Variants in TRIP12 observed in about 807,000 individuals in gnomAD.
The protein encoded by TRIP12 is E3 ubiquitin-protein ligase TRIP12.
Under a neutral mutation model 244.2 loss-of-function variants are expected in TRIP12, and 25 were observed. That is an observed-to-expected ratio of 0.10 (90% CI 0.07 to 0.14). The LOEUF is 0.14. Among genes scored for constraint, TRIP12 ranks in the 10% least tolerant of loss-of-function variants. TRIP12 has a pLI of 1.00. For synonymous variants in TRIP12, 905 were observed against 873.1 expected (o/e 1.04, Z -0.64); for missense variants, 1,677 against 2,486.4 (o/e 0.67, Z 6.92).
intron 19 of TRIP12, 58 bp downstream of exon 19, chr2:229,803,941 G>T: frequency 6.9e-7 from 1 of 1,450,394 alleles, no homozygotes; most frequent in Non-Finnish European, 9.3e-7. Context: ...AGAGGTTTCT[G>T]AAATTACTTG....
At chr2:229,795,860 T>C (rs913166141) in intron 25 of TRIP12, among the ~76,000 whole-genome samples, 14 of 152,206 alleles carry the variant, frequency 9.2e-5, no homozygotes, top group Non-Finnish European at 1.5e-5. Context: ...AAATACTAAC[T>C]TTGCTTTAGG....
chr2:229,777,185 A>C (rs1468155971), intron 37 of TRIP12, 130 bp downstream of exon 37: 1 of 1,063,138 alleles, frequency 9.4e-7, no homozygotes, highest in Admixed American at 2.5e-5. Context: ...TAGTTAGTAC[A>C]ATAAAAGAAT....
intron 8 of TRIP12, among the ~76,000 whole-genome samples, chr2:229,824,187 A>G (rs1244161037): frequency 1.3e-5 from 2 of 152,228 alleles, no homozygotes; most frequent in Non-Finnish European, 2.9e-5. Context: ...AAGGTATGCT[A>G]TAATAAACCA....
At chr2:229,832,071 C>T (rs1383670787) in intron 6 of TRIP12, among the ~76,000 whole-genome samples, 1 of 151,868 alleles carries the variant, frequency 6.6e-6, no homozygotes, top group East Asian at 1.9e-4. Flanking sequence ...GAAAAAGATG[C>T]CAAAATACCA....
intron 1 of TRIP12, among the ~76,000 whole-genome samples, chr2:229,883,890 C>T (rs925791237): frequency 1.3e-5 from 2 of 152,076 alleles, no homozygotes; most frequent in Non-Finnish European, 2.9e-5. Flanking sequence ...CGGTGGCTCA[C>T]GTGAGGTCAT....
At chr2:229,838,293 T>C (rs2055364563) in intron 5 of TRIP12, among the ~76,000 whole-genome samples, 1 of 152,208 alleles carries the variant, frequency 6.6e-6, no homozygotes, top group Admixed American at 6.5e-5. Context: ...ATTTAAGATC[T>C]AATCTCCACC....
At chr2:229,843,700 A>G (rs895871177) in intron 4 of TRIP12, among the ~76,000 whole-genome samples, 2 of 152,220 alleles carry the variant, frequency 1.3e-5, no homozygotes, top group African/African-American at 4.8e-5. Context: ...ACAACACTGT[A>G]AGACCCTGTG....
chr2:229,822,911 C>G (rs1429468283), intron 8 of TRIP12, among the ~76,000 whole-genome samples: 1 of 152,076 alleles, frequency 6.6e-6, no homozygotes, highest in Admixed American at 6.6e-5. Flanking sequence ...AAAAACGTAT[C>G]TGAAATTAAG....
At chr2:229,879,836 C>T (rs1445381739) in intron 2 of TRIP12, 146 bp downstream of exon 2, 1 of 818,358 alleles carries the variant, frequency 1.2e-6, no homozygotes, top group Non-Finnish European at 1.9e-6. Context: ...CTTTGGATTC[C>T]AGTTTGCTTT....
At chr2:229,880,191 G>A (rs1011529316) in intron 1 of TRIP12, 63 bp from the exon 2 acceptor site, 1 of 1,031,556 alleles carries the variant, frequency 9.7e-7, no homozygotes, top group African/African-American at 1.6e-5. Context: ...GAAAAGAAAT[G>A]AGGGGAACTT....
chr2:229,841,618 C>CA (rs2056443102), intron 4 of TRIP12, among the ~76,000 whole-genome samples: 1 of 152,206 alleles, frequency 6.6e-6, no homozygotes, highest in South Asian at 2.1e-4. Flanking sequence ...GCCCAACCCT[C>CA]ACAGTGTTAC....
At chr2:229,819,703 T>C (rs1033963510) in intron 8 of TRIP12, among the ~76,000 whole-genome samples, 1 of 152,232 alleles carries the variant, frequency 6.6e-6, no homozygotes, top group African/African-American at 2.4e-5. Context: ...CTTTTCAAGT[T>C]ATTCTTCGCA....
At position 229,840,832 on chromosome 2, in the gene TRIP12, C is replaced by T. The variant is rs138707158; in HGVS notation, c.1123G>A (p.Ala375Thr). 74 of 1,593,136 alleles carry T rather than the reference C, an allele frequency of 4.6e-5. No individual in the cohort carries two copies. The highest frequency in any genetic ancestry group is 9.3e-5 in the Admixed American group (5 of 54,040). The part of the protein sequence containing the change: ...STRQKTTGSC[A>T]STSRRGSGLG... ...AAAAAAACAAATTACCTGGTACTAG[C>T]ACAGGAGCCCGTGGTCTTTTGGCGT... The change falls in exon 5 of 42, where the codon GCT becomes ACT. Residue 375 changes from alanine to threonine, a missense_variant. Around this residue, in one of 11 missense-constraint regions of TRIP12, gnomAD observed 143 missense variants for 215.6 expected, o/e 0.66. Coordinates refer to ENST00000675903, the MANE Select transcript of TRIP12 (RefSeq NM_001348323.3).
At chr2:229,798,745 T>C (rs762084774) in intron 23 of TRIP12, 130 bp downstream of exon 23, 7 of 1,023,384 alleles carry the variant, frequency 6.8e-6, no homozygotes, top group Non-Finnish European at 5.6e-6. Flanking sequence ...ATTCTTGAAC[T>C]ATGCTTTTAA....
intron 2 of TRIP12, among the ~76,000 whole-genome samples, chr2:229,879,696 A>T (rs930672742): frequency 6.6e-6 from 1 of 152,232 alleles, no homozygotes; most frequent in Non-Finnish European, 1.5e-5. Flanking sequence ...TGTAACATAC[A>T]TTTAACGAAG....
chr2:229,781,983 C>CA (rs1236148130), intron 34 of TRIP12, among the ~76,000 whole-genome samples: 2 of 152,126 alleles, frequency 1.3e-5, no homozygotes, highest in Non-Finnish European at 2.9e-5. Context: ...TGTGTGAAGA[C>CA]ATTTTGAGCT....
intron 1 of TRIP12, among the ~76,000 whole-genome samples, chr2:229,892,942 A>G (rs1256756122): frequency 1.3e-5 from 2 of 152,210 alleles, no homozygotes; most frequent in African/African-American, 4.8e-5. Context: ...TCATCTTCAA[A>G]TGGGCATAAA....
intron 1 of TRIP12, among the ~76,000 whole-genome samples, chr2:229,900,237 C>T (rs909531345): frequency 2.6e-5 from 4 of 152,238 alleles, no homozygotes; most frequent in East Asian, 3.9e-4. Flanking sequence ...TAAATTGTTT[C>T]GCAAAAAGTA....
intron 1 of TRIP12, chr2:229,894,329 TAAA>T (rs1220182289): frequency 6.6e-6 from 1 of 152,084 alleles, no homozygotes; most frequent in Non-Finnish European, 1.5e-5. Flanking sequence ...TCAAGCTTTT[TAAA>T]AAAAGTCTTT....
Sources: allele counts gnomAD v4.1 joint callset (sites outside exome capture counted in the v4.1 genomes callset), GRCh38; gene constraint gnomAD v4.1.1; regional missense constraint gnomAD v4.1.1; transcripts MANE v1.5; gene names NCBI Gene and HGNC (gene_info 2026-07-23, HGNC 2026-07-21).